Variants in RFC4 observed in about 807,000 individuals in gnomAD.
RFC4 encodes A1 37 kDa subunit.
In RFC4, 38 loss-of-function variants were observed where a neutral mutation model predicts 47.6. That is an observed-to-expected ratio of 0.80 (90% CI 0.62 to 1.05). The LOEUF (loss-of-function observed/expected upper bound fraction) is 1.05. Ranked by LOEUF, RFC4 falls within the 50% of genes least tolerant of loss-of-function variation. RFC4 has a pLI of 0.00. For missense variants in RFC4, 489 were observed against 434.0 expected (o/e 1.13, Z -1.13); for synonymous variants, 164 against 150.0 (o/e 1.09, Z -0.68).
intron 3 of RFC4, among the ~76,000 whole-genome samples, chr3:186,800,857 C>A (rs1018877506): frequency 1.5e-4 from 23 of 152,074 alleles, no homozygotes; most frequent in Admixed American, 1.5e-3. Context: ...TGTTTTATGT[C>A]TTGTTCTATG....
intron 5 of RFC4, among the ~76,000 whole-genome samples, chr3:186,794,451 C>A (rs965477920): frequency 1.3e-5 from 2 of 152,154 alleles, no homozygotes; most frequent in African/African-American, 4.8e-5. Flanking sequence ...CTAGGTACCA[C>A]CAATGTAATC....
chr3:186,792,635 T>A, intron 6 of RFC4, 25 bp from the exon 7 acceptor site: 2 of 1,598,372 alleles, frequency 1.3e-6, no homozygotes, highest in Non-Finnish European at 1.7e-6. Context: ...AAAAACCAAG[T>A]TGGTGTCTAA....
At position 186,794,771 on chromosome 3, in the gene RFC4, T is replaced by A; in HGVS notation, c.297A>T (p.Glu99Asp). ...LAAARELFGP[E>D]LFRLRVLELN... The stretch of plus-strand genomic sequence containing the variant: ...ACTCAAGAACTCTTAATCGGAAAAG[T>A]TCAGGCCTATCTCAAAATGAAACAA... Residue 99 changes from glutamate to aspartate, a missense_variant, in exon 5 of 11, where the codon GAA becomes GAT. Glu to Asp is a conservative substitution (Grantham distance 45). This residue lies in a region of RFC4 where 206 missense variants were observed against 257.8 expected (regional missense o/e 0.80). Coordinates refer to ENST00000296273, the MANE Select transcript of RFC4 (RefSeq NM_002916.5). The A allele has an allele frequency of 6.2e-7, 1 of 1,613,654 alleles. No homozygotes were observed. Among genetic ancestry groups the A allele is most frequent in the Non-Finnish European group, 8.5e-7 (1 of 1,179,884 alleles).
At chr3:186,798,637 G>C (rs1722291237) in intron 3 of RFC4, among the ~76,000 whole-genome samples, 1 of 151,976 alleles carries the variant, frequency 6.6e-6, no homozygotes, top group Admixed American at 6.6e-5. Context: ...GCTTACAATG[G>C]CTTCTAACAG....
In RFC4 at chr3:186,792,476, T is replaced by C; in HGVS notation, c.675+14A>G. ...GAATTAGTAACTCTAATAATTGTAA[T>C]AATTAGTAATTACCTCATCACTAAT... is the stretch of plus-strand genomic sequence containing the variant. On this transcript the variant is annotated intron_variant, in intron 7 of 10. Coordinates refer to ENST00000296273, the MANE Select transcript of RFC4 (RefSeq NM_002916.5). The C allele has an allele frequency of 6.3e-7, 1 of 1,599,630 alleles. No individual in the cohort carries two copies. Among genetic ancestry groups the C allele is most frequent in the Non-Finnish European group, 8.6e-7 (1 of 1,167,476 alleles).
intron 2 of RFC4, chr3:186,801,438 A>G: frequency 4.2e-6 from 2 of 476,556 alleles, no homozygotes; most frequent in Non-Finnish European, 7.4e-6. Context: ...TGTTATACCC[A>G]CAAAAATTAA....
rs1009499920 is a variant in RFC4, at chr3:186,796,541, G to A, written c.290+994C>T. On this transcript the variant is annotated intron_variant, in intron 4 of 10. Coordinates refer to ENST00000296273, the MANE Select transcript of RFC4 (RefSeq NM_002916.5). This position sits in a 1 kb window ranked among gnomAD's most constrained non-coding sequence, Gnocchi z 4.2. ...GTCACCCAGGCTGGAGTGCAGTGGCGTGATCTCGGCTCACTGCAACCTCTG... is the reference window on the plus strand; with the variant it reads ...GTCACCCAGGCTGGAGTGCAGTGGCATGATCTCGGCTCACTGCAACCTCTG... Among the ~76,000 whole-genome samples, 8 of 151,964 alleles carry A rather than the reference G, an allele frequency of 5.3e-5. No individual in the cohort carries two copies. Among genetic ancestry groups the A allele is most frequent in the East Asian group, 1.9e-4 (1 of 5,188 alleles).
At chr3:186,790,288 T>TAATA (rs762502626) in intron 9 of RFC4, 33 bp from the exon 10 acceptor site, 6 of 1,610,234 alleles carry the variant, frequency 3.7e-6, no homozygotes, top group African/African-American at 1.3e-5. Context: ...TATGATGACT[T>TAATA]AATATTCCTT....
At chr3:186,797,507 A>C in intron 4 of RFC4, 28 bp downstream of exon 4, 2 of 1,503,896 alleles carry the variant, frequency 1.3e-6, no homozygotes. Flanking sequence ...ATCTTTAAAA[A>C]AAGAAAAACA....
intron 8 of RFC4, 37 bp from the exon 9 acceptor site, chr3:186,790,443 A>G (rs1385096940): frequency 1.4e-6 from 2 of 1,437,204 alleles, no homozygotes; most frequent in African/African-American, 1.4e-5. Context: ...AGATGTTTCT[A>G]GGTGAGACTA....
rs1722182288 is a variant in RFC4 at position 186,793,391 on chromosome 3, T to A, written c.411-444A>T. 6.6e-6 allele frequency among the ~76,000 whole-genome samples: 1 copy of A among 152,250 alleles called. No individual in the cohort carries two copies. Among genetic ancestry groups the A allele is most frequent in the African/African-American group, 2.4e-5 (1 of 41,466 alleles). On this transcript the variant is annotated intron_variant, in intron 5 of 10. Transcript: ENST00000296273. This position sits in a 1 kb window ranked among gnomAD's most constrained non-coding sequence, Gnocchi z 4.2. ...CAAATAGATACACCACATTTATTCA[T>A]CCATTAATCGGTTGGACATTTGGGC...
Position 186,794,745 on chromosome 3 carries a change from A to C in RFC4, c.323T>G (p.Leu108Ter). ...TATTCCACGTTCATCAGATGCATTTAACTCAAGAACTCTTAATCGGAAAAG... is the reference window on the plus strand; with the variant it reads ...TATTCCACGTTCATCAGATGCATTTCACTCAAGAACTCTTAATCGGAAAAG... ...PELFRLRVLE[L>*]NASDERGIQV... Residue 108 changes from leucine (L) to a stop codon, truncating the protein, a stop_gained, in exon 5 of 11, where the codon TTA becomes TGA. Transcript: ENST00000296273. LOFTEE classifies it high-confidence loss of function. The C allele has an allele frequency of 6.2e-7, 1 of 1,613,950 alleles. No homozygotes were observed. The highest frequency in any genetic ancestry group is 8.5e-7 in the Non-Finnish European group (1 of 1,179,890).
In RFC4 at chr3:186,791,785, G is replaced by A. The variant is rs779650589; in HGVS notation, c.741C>T (p.Ser247=). 2.9e-5 allele frequency: 46 copies of A among 1,609,310 alleles called. No individual in the cohort carries two copies. The highest frequency in any genetic ancestry group is 9.4e-5 in the African/African-American group (7 of 74,794). Residue 247 remains serine, a synonymous_variant, in exon 8 of 11, where the codon AGC becomes AGT. Coordinates refer to ENST00000296273, the MANE Select transcript of RFC4 (RefSeq NM_002916.5). ...CCTTTCCACCTGTTAATCGAGTAGC[G>A]CTTTGAAGAAATGTAATGGCTTTTC... is the stretch of plus-strand genomic sequence containing the variant. ...DLRKAITFLQ[S]ATRLTGGKEI...
chr3:186,804,706 G>A lies in RFC4; in HGVS notation c.8C>T (p.Ala3Val). 1.2e-6 allele frequency: 2 copies of A among 1,612,764 alleles called. No homozygotes were observed. Among genetic ancestry groups the A allele is most frequent in the Middle Eastern group, 1.7e-4 (1 of 6,060 alleles). ...ACTGATGGATGTACCTTTAAGAAAT[G>A]CTTGCATGGTACTTCACCCTGGTCA... is the stretch of plus-strand genomic sequence containing the variant. MQ[A>V]FLKGTSISTK... is the part of the protein sequence containing the mutation. Residue 3 changes from alanine (A) to valine (V), a missense_variant, in exon 2 of 11, where the codon GCA becomes GTA. Around this residue, in one of 2 missense-constraint regions of RFC4, gnomAD observed 206 missense variants for 257.8 expected, o/e 0.80. Coordinates refer to ENST00000296273, the MANE Select transcript of RFC4 (RefSeq NM_002916.5).
intron 8 of RFC4, among the ~76,000 whole-genome samples, chr3:186,791,094 A>T (rs1032226231): frequency 6.6e-6 from 1 of 152,234 alleles, no homozygotes; most frequent in African/African-American, 2.4e-5. Context: ...TAAGTTGGAT[A>T]TGCCTTTTGT....
intron 2 of RFC4, among the ~76,000 whole-genome samples, chr3:186,803,901 G>T (rs973068399): frequency 1.2e-4 from 19 of 152,052 alleles, no homozygotes; most frequent in Admixed American, 1.2e-3. Context: ...AATTTCCAGG[G>T]CTGGGCGCGG....
rs1032508484 is a variant in RFC4 at position 186,806,348 on chromosome 3, G to A, written c.-70C>T. On this transcript the variant is annotated 5_prime_UTR_variant, in exon 1 of 11. Coordinates refer to ENST00000296273, the MANE Select transcript of RFC4 (RefSeq NM_002916.5). ...GCCGGCTCGTTCCTCAGGTTTCCGC[G>A]ATACAAAAAGGACGAGATGGTCTCG... The A allele has an allele frequency of 6.6e-6, 1 of 152,254 alleles. No homozygotes were observed. The highest frequency in any genetic ancestry group is 1.5e-5 in the Non-Finnish European group (1 of 68,066). 9.4% of individuals were successfully genotyped at this position (152,254 alleles called of 1,614,324 possible). A position where few individuals can be genotyped will look rare whatever the true frequency, so the allele number is the denominator to read the frequency against.
chr3:186,797,383 G>A (rs2108470685), intron 4 of RFC4, 152 bp downstream of exon 4: 2 of 551,886 alleles, frequency 3.6e-6, no homozygotes, highest in East Asian at 5.8e-5. Context: ...GAGTGAGGGA[G>A]GAACAAAATG....
chr3:186,803,652 C>T (rs1004105542), intron 2 of RFC4, among the ~76,000 whole-genome samples: 4 of 151,110 alleles, frequency 2.6e-5, no homozygotes, highest in Admixed American at 6.6e-5. Flanking sequence ...TACAGGTGCC[C>T]GCCAACATGC....
Sources: gnomAD v4.1 joint callset for allele counts (sites outside exome capture counted in the v4.1 genomes callset) on GRCh38, gnomAD v4.1.1 for gene constraint, gnomAD v4.1.1 regional missense constraint, Gnocchi (gnomAD v3.1) non-coding constraint, MANE v1.5 for transcripts, NCBI Gene and HGNC (gene_info 2026-07-23, HGNC 2026-07-21) for gene names.